Variants in RBFOX1 observed in about 807,000 individuals in gnomAD.
The protein encoded by RBFOX1 is RNA binding fox-1 homolog 1.
RBFOX1 carries 8 observed loss-of-function variants against 57.7 expected under a neutral mutation model. The ratio of observed to expected loss-of-function variants is 0.14; its 90% CI spans 0.08 to 0.25. RBFOX1 has a LOEUF of 0.25. RBFOX1 is among the 10% of genes least tolerant of loss of function. The pLI is 1.00. For synonymous variants in RBFOX1, 326 were observed against 222.4 expected (o/e 1.47, Z -4.15); for missense variants, 611 against 548.5 (o/e 1.11, Z -1.14).
chr16:7,489,894 C>G (rs8051283), intron 4 of RBFOX1, among the ~76,000 whole-genome samples: 1 of 152,010 alleles, frequency 6.6e-6, no homozygotes, highest in Non-Finnish European at 1.5e-5. Flanking sequence ...TTTAATGATG[C>G]ATGTACAATG....
intron 3 of RBFOX1, among the ~76,000 whole-genome samples, chr16:6,746,371 G>C (rs9923717): frequency 2.0e-5 from 3 of 152,144 alleles, no homozygotes; most frequent in Non-Finnish European, 4.4e-5. Context: ...TTAATGGAAA[G>C]CTACAATAAT....
intron 1 of RBFOX1, among the ~76,000 whole-genome samples, chr16:5,368,491 T>A (rs371086854): frequency 6.6e-6 from 1 of 152,172 alleles, no homozygotes; most frequent in South Asian, 2.1e-4. Context: ...GAAAATAACA[T>A]CTATTTAGAG....
intron 3 of RBFOX1, among the ~76,000 whole-genome samples, chr16:6,863,989 C>T (rs11077094): frequency 0.02 from 2,526 of 125,276 alleles, 39 homozygotes; most frequent in African/African-American, 0.051. Flanking sequence ...CTTTATGTTC[C>T]TTTTTTTTTT....
At chr16:5,899,883 G>C (rs975861739) in intron 4 of RBFOX1, among the ~76,000 whole-genome samples, 28 of 152,142 alleles carry the variant, frequency 1.8e-4, no homozygotes, top group African/African-American at 6.5e-4. Context: ...AGACTAGCCT[G>C]GGCAACATGG....
intron 4 of RBFOX1, among the ~76,000 whole-genome samples, chr16:7,083,257 C>T (rs2059470563): frequency 1.3e-5 from 2 of 151,916 alleles, no homozygotes; most frequent in South Asian, 4.2e-4. Context: ...GTAACACCTC[C>T]CACACTTGAT....
At position 6,708,952 on chromosome 16, in the gene RBFOX1, G is replaced by A. The variant is rs117462279; in HGVS notation, c.-16+54302G>A. ...GCCAACATCATAGTGGCCTAGTAGCGGTGGCTGGTTAATTTCAGCAAGCTT... is the reference window on the plus strand; with the variant it reads ...GCCAACATCATAGTGGCCTAGTAGCAGTGGCTGGTTAATTTCAGCAAGCTT... On this transcript the variant is annotated intron_variant, in intron 3 of 15. Coordinates refer to ENST00000550418, the MANE Select transcript of RBFOX1 (RefSeq NM_018723.4). Among the ~76,000 whole-genome samples the A allele has an allele frequency of 4.4e-4, 66 of 151,420 alleles. 1 individual carries two copies. The East Asian group carries it at 4.9e-3, about 11-fold the overall frequency.
chr16:7,222,345 T>A (rs544370647), intron 4 of RBFOX1, among the ~76,000 whole-genome samples: 3 of 152,278 alleles, frequency 2.0e-5, no homozygotes, highest in African/African-American at 7.2e-5. Flanking sequence ...GCTATATAGG[T>A]AGTTTATATG....
At chr16:6,907,398 C>A (rs2070307858) in intron 3 of RBFOX1, among the ~76,000 whole-genome samples, 1 of 152,122 alleles carries the variant, frequency 6.6e-6, no homozygotes, top group Non-Finnish European at 1.5e-5. Context: ...TTTTCTAGGG[C>A]TTCTTTAAGA....
In RBFOX1 at chr16:7,417,528, T is replaced by TTGTGTGTGTGTTTGTGTG. The variant is rs1555882380; in HGVS notation, c.28-100608_28-100607insTTGTGTGTGTGTGTGTGT. 6.3e-4 allele frequency among the ~76,000 whole-genome samples: 43 copies of TTGTGTGTGTGTTTGTGTG among 68,458 alleles called. 1 individual carries two copies. Among genetic ancestry groups the TTGTGTGTGTGTTTGTGTG allele is most frequent in the African/African-American group, 1.8e-3 (39 of 22,082 alleles). The allele number at this position is 68,458 out of a possible 152,430, so 44.9% of individuals were successfully genotyped here. On this transcript the variant is annotated intron_variant, in intron 4 of 15. Coordinates refer to ENST00000550418, the MANE Select transcript of RBFOX1 (RefSeq NM_018723.4). ...CGGATTTCACCAGCTTCACATGGTA[T>TTGTGTGTGTGTTTGTGTG]TGTGTGTGTGTGTGTGTGTGTGTGT...
chr16:5,528,797 G>C (rs1056991556), intron 2 of RBFOX1, among the ~76,000 whole-genome samples: 1 of 151,758 alleles, frequency 6.6e-6, no homozygotes, highest in Admixed American at 6.6e-5. Context: ...CTATAGGTCT[G>C]CACCACCATG....
chr16:7,579,122 G>A (rs34876919), intron 5 of RBFOX1, among the ~76,000 whole-genome samples: 48,091 of 152,104 alleles, frequency 0.32, 8,827 homozygotes, highest in East Asian at 0.53. Flanking sequence ...TAAATATCTT[G>A]TTTTAATTCA....
At chr16:5,731,532 C>A (rs1003819071) in intron 3 of RBFOX1, among the ~76,000 whole-genome samples, 3 of 152,146 alleles carry the variant, frequency 2.0e-5, no homozygotes. Flanking sequence ...CCTCAGTTGT[C>A]TGAGTCCAAA....
At chr16:5,415,574 C>T (rs1165134668) in intron 1 of RBFOX1, among the ~76,000 whole-genome samples, 1 of 152,152 alleles carries the variant, frequency 6.6e-6, no homozygotes, top group Non-Finnish European at 1.5e-5. Context: ...AAAAGATTAG[C>T]TCTTAGGTTC....
At chr16:7,644,313 AGT>A (rs2063351586) in intron 11 of RBFOX1, among the ~76,000 whole-genome samples, 1 of 152,198 alleles carries the variant, frequency 6.6e-6, no homozygotes, top group Non-Finnish European at 1.5e-5. Flanking sequence ...GCAATTAGCA[AGT>A]GCTAGTAAAT....
intron 3 of RBFOX1, among the ~76,000 whole-genome samples, chr16:6,746,912 G>A (rs537765607): frequency 1.3e-5 from 2 of 152,062 alleles, no homozygotes; most frequent in African/African-American, 4.8e-5. Flanking sequence ...AGTCTTCTCA[G>A]TATTTTGGGA....
chr16:7,147,386 C>T (rs2075236344), intron 4 of RBFOX1, among the ~76,000 whole-genome samples: 3 of 151,618 alleles, frequency 2.0e-5, no homozygotes, highest in South Asian at 2.1e-4. Context: ...ACTGCATGTT[C>T]CTGAAGTTTG....
At chr16:5,858,600 T>C (rs2057129950) in intron 3 of RBFOX1, among the ~76,000 whole-genome samples, 1 of 152,222 alleles carries the variant, frequency 6.6e-6, no homozygotes, top group Non-Finnish European at 1.5e-5. Flanking sequence ...TATTCTTAGG[T>C]TACAAGCTGC....
chr16:6,823,277 G>C (rs2091626073), intron 3 of RBFOX1, among the ~76,000 whole-genome samples: 1 of 149,698 alleles, frequency 6.7e-6, no homozygotes, highest in South Asian at 2.1e-4. Flanking sequence ...TTTTTCCCCA[G>C]AAAGAGTCTT....
At chr16:7,009,675 G>A (rs779216439) in intron 3 of RBFOX1, among the ~76,000 whole-genome samples, 5 of 152,126 alleles carry the variant, frequency 3.3e-5, no homozygotes, top group Non-Finnish European at 7.3e-5. Context: ...GAATATCCTA[G>A]AATTATAGGG....
Sources: allele counts gnomAD v4.1 joint callset (sites outside exome capture counted in the v4.1 genomes callset), GRCh38; gene constraint gnomAD v4.1.1; transcripts MANE v1.5; gene names NCBI Gene and HGNC (gene_info 2026-07-23, HGNC 2026-07-21).